The following ANKRD6 variants were observed in gnomAD, a reference collection of about 807,000 sequenced individuals.
ANKRD6 encodes the protein ankyrin repeat domain 6.
Under a neutral mutation model 82.3 loss-of-function variants are expected in ANKRD6, and 56 were observed. The ratio of observed to expected loss-of-function variants is 0.68; its 90% CI spans 0.55 to 0.85. The LOEUF (loss-of-function observed/expected upper bound fraction) is 0.85. ANKRD6 is among the 40% of genes least tolerant of loss of function. ANKRD6 has a pLI of 0.00. For synonymous variants in ANKRD6, 347 were observed against 352.1 expected (o/e 0.99, Z 0.16); for missense variants, 852 against 907.6 (o/e 0.94, Z 0.79).
intron 1 of ANKRD6, among the ~76,000 whole-genome samples, chr6:89,556,066 TAA>T (rs1786554167): frequency 1.3e-5 from 2 of 152,180 alleles, no homozygotes; most frequent in African/African-American, 4.8e-5. Context: ...AGTCCATAGA[TAA>T]AGGCACCATA....
At chr6:89,613,730 A>G in intron 6 of ANKRD6, 62 bp from the exon 7 acceptor site, 1 of 1,455,404 alleles carries the variant, frequency 6.9e-7, no homozygotes, top group Non-Finnish European at 9.6e-7. Flanking sequence ...TTTTCTTTCT[A>G]CTTTTCTCTA....
chr6:89,615,933 T>C (rs1377361462), intron 7 of ANKRD6, among the ~76,000 whole-genome samples: 1 of 152,252 alleles, frequency 6.6e-6, no homozygotes, highest in African/African-American at 2.4e-5. Context: ...CATTTATTTA[T>C]AGGCTATCTG....
chr6:89,505,972 T>C (rs375294839), intron 1 of ANKRD6, among the ~76,000 whole-genome samples: 7 of 152,290 alleles, frequency 4.6e-5, no homozygotes, highest in Admixed American at 3.3e-4. Context: ...ATGACACTAC[T>C]GTGTGATTCC....
At chr6:89,458,231 A>G (rs1453933188) in intron 1 of ANKRD6, among the ~76,000 whole-genome samples, 2 of 152,246 alleles carry the variant, frequency 1.3e-5, no homozygotes, top group Non-Finnish European at 2.9e-5. Context: ...ATAAGTGGAA[A>G]TTATGAGGAA....
At chr6:89,471,414 T>C (rs1775451972) in intron 1 of ANKRD6, among the ~76,000 whole-genome samples, 1 of 144,320 alleles carries the variant, frequency 6.9e-6, no homozygotes, top group Non-Finnish European at 1.5e-5. Flanking sequence ...ATTGCTGGAG[T>C]TACTAGCACC....
chr6:89,572,228 A>G (rs926258418), intron 2 of ANKRD6, among the ~76,000 whole-genome samples: 2 of 152,236 alleles, frequency 1.3e-5, no homozygotes, highest in Non-Finnish European at 2.9e-5. Context: ...TAAAGCTGCT[A>G]TAAACATTTA....
At chr6:89,554,548 T>C (rs1433193404) in intron 1 of ANKRD6, among the ~76,000 whole-genome samples, 9 of 152,324 alleles carry the variant, frequency 5.9e-5, no homozygotes, top group Admixed American at 3.9e-4. Flanking sequence ...TCTATTAGTT[T>C]ATCTGGAAAC....
intron 1 of ANKRD6, among the ~76,000 whole-genome samples, chr6:89,554,330 T>C (rs568386882): frequency 7.9e-5 from 12 of 152,302 alleles, no homozygotes; most frequent in Admixed American, 6.5e-4. Context: ...ATTCTCTGCC[T>C]CTGTGGTCAC....
At chr6:89,588,352 C>T (rs2128133821) in intron 2 of ANKRD6, among the ~76,000 whole-genome samples, 1 of 152,292 alleles carries the variant, frequency 6.6e-6, no homozygotes, top group Middle Eastern at 3.4e-3. Flanking sequence ...CCTACTACCT[C>T]TCTCTTAATG....
chr6:89,485,737 AT>A (rs1431941387), intron 1 of ANKRD6, among the ~76,000 whole-genome samples: 2 of 152,164 alleles, frequency 1.3e-5, no homozygotes, highest in Non-Finnish European at 2.9e-5. Context: ...GGGTGTCTAA[AT>A]TTTTTGGTAG....
intron 1 of ANKRD6, among the ~76,000 whole-genome samples, chr6:89,537,727 C>CT (rs1784002835): frequency 6.6e-6 from 1 of 151,570 alleles, no homozygotes; most frequent in Non-Finnish European, 1.5e-5. Context: ...GCAAGACTGT[C>CT]TCTACAAAAA....
chr6:89,581,344 C>T (rs1792480479), intron 2 of ANKRD6, among the ~76,000 whole-genome samples: 1 of 152,206 alleles, frequency 6.6e-6, no homozygotes, highest in Non-Finnish European at 1.5e-5. Context: ...TCAGAGCATG[C>T]ATGCCCTTGC....
chr6:89,517,989 T>C (rs1781426317), intron 1 of ANKRD6, among the ~76,000 whole-genome samples: 2 of 152,220 alleles, frequency 1.3e-5, no homozygotes, highest in African/African-American at 4.8e-5. Flanking sequence ...TAGTTATTAC[T>C]CCCTTACCTT....
chr6:89,469,394 G>T (rs989747951), intron 1 of ANKRD6, among the ~76,000 whole-genome samples: 2 of 152,108 alleles, frequency 1.3e-5, no homozygotes, highest in Non-Finnish European at 2.9e-5. Context: ...GCAGCTGCTG[G>T]GTTTTAATAT....
intron 14 of ANKRD6, chr6:89,628,700 G>A: frequency 4.4e-6 from 1 of 226,758 alleles, no homozygotes; most frequent in East Asian, 1.1e-4. Context: ...AACCCAGGAG[G>A]CAGAGCTTGC....
intron 1 of ANKRD6, among the ~76,000 whole-genome samples, chr6:89,527,621 A>AAAAAAAAAAG (rs1554227725): frequency 6.7e-6 from 1 of 148,760 alleles, no homozygotes; most frequent in African/African-American, 2.6e-5. Context: ...AAAAAAAAAA[A>AAAAAAAAAAG]AAAAAGAAAA....
At chr6:89,540,818 G>A (rs1784367806) in intron 1 of ANKRD6, among the ~76,000 whole-genome samples, 1 of 152,158 alleles carries the variant, frequency 6.6e-6, no homozygotes, top group African/African-American at 2.4e-5. Context: ...GCAAGAGATG[G>A]GGTCTAGTTT....
At position 89,631,026 on chromosome 6, in the gene ANKRD6, A is replaced by G; in HGVS notation, c.*22A>G. On this transcript the variant is annotated 3_prime_UTR_variant, in exon 16 of 16. Coordinates refer to ENST00000339746, the MANE Select transcript of ANKRD6 (RefSeq NM_001242809.2). The stretch of plus-strand genomic sequence containing the variant: ...TTAGCACCAATAAAGAGGAAATATG[A>G]AAGGATTCTTGAAGATTTCCAGTTT... 1 of 1,480,544 alleles carries G rather than the reference A, an allele frequency of 6.8e-7. No homozygotes were observed. Among genetic ancestry groups the G allele is most frequent in the Non-Finnish European group, 8.9e-7 (1 of 1,118,960 alleles). 91.7% of individuals were successfully genotyped at this position (1,480,544 alleles called of 1,614,324 possible).
intron 1 of ANKRD6, among the ~76,000 whole-genome samples, chr6:89,471,880 A>G (rs2127789105): frequency 7.5e-6 from 1 of 133,768 alleles, no homozygotes; most frequent in South Asian, 2.6e-4. Flanking sequence ...CAGAGTTTGC[A>G]GTGAGATGAG....
Sources: allele counts gnomAD v4.1 joint callset (sites outside exome capture counted in the v4.1 genomes callset), GRCh38; gene constraint gnomAD v4.1.1; transcripts MANE v1.5; gene names NCBI Gene and HGNC (gene_info 2026-07-23, HGNC 2026-07-21).